Variants in EXOC4 observed in about 807,000 individuals in gnomAD.
The protein encoded by EXOC4 is exocyst complex component 4, also known as SEC8-like 1.
EXOC4 carries 71 observed loss-of-function variants against 107.2 expected under a neutral mutation model. The ratio of observed to expected loss-of-function variants is 0.66; its 90% CI spans 0.55 to 0.81. The LOEUF (loss-of-function observed/expected upper bound fraction) is 0.81, where lower values mean the gene tolerates loss of function less well. Ranked by LOEUF, EXOC4 falls within the 30% of genes least tolerant of loss-of-function variation. The pLI is 0.00. For missense variants in EXOC4, 1,108 were observed against 1,189.6 expected (o/e 0.93, Z 1.01); for synonymous variants, 456 against 441.2 (o/e 1.03, Z -0.42).
chr7:133,499,432 A>G (rs1799536839), intron 9 of EXOC4, among the ~76,000 whole-genome samples: 1 of 152,168 alleles, frequency 6.6e-6, no homozygotes, highest in Non-Finnish European at 1.5e-5. Flanking sequence ...AGCGGATAAT[A>G]TTTGGGGATA....
chr7:133,903,661 G>A (rs538361195), intron 12 of EXOC4, among the ~76,000 whole-genome samples: 1 of 152,132 alleles, frequency 6.6e-6, no homozygotes, highest in African/African-American at 2.4e-5. Flanking sequence ...GAGGGAGTTG[G>A]ACATATGCAT....
rs973709638 is a variant in EXOC4, at chr7:133,895,450, TC to T, written c.1735-144del. 16 of 767,370 alleles carry T rather than the reference TC, an allele frequency of 2.1e-5. No individual in the cohort carries two copies. In the African/African-American group the frequency reaches 2.5e-4, roughly 12 times the overall value. The allele number at this position is 767,370 out of a possible 1,614,324, so 47.5% of individuals were successfully genotyped here. On this transcript the variant is annotated intron_variant, in intron 11 of 17. Transcript: ENST00000253861. ...GTTCCTATTCGGCCATCTTGGCTCC[TC>T]CCCCTGTTTTGAGTTCATATTTCAA... is the stretch of plus-strand genomic sequence containing the variant.
At chr7:133,940,062 G>A (rs1800392824) in intron 14 of EXOC4, among the ~76,000 whole-genome samples, 1 of 152,112 alleles carries the variant, frequency 6.6e-6, no homozygotes, top group Non-Finnish European at 1.5e-5. Flanking sequence ...TTTGGAAGGG[G>A]TGCTCTCATT....
At chr7:133,289,168 T>C (rs767683837) in intron 3 of EXOC4, 52 bp downstream of exon 3, 2 of 1,460,266 alleles carry the variant, frequency 1.4e-6, no homozygotes, top group Non-Finnish European at 1.9e-6. Context: ...GTAAAAGCAC[T>C]CTCTTTTATT....
intron 10 of EXOC4, among the ~76,000 whole-genome samples, chr7:133,777,419 C>G (rs572363510): frequency 1.3e-5 from 2 of 152,220 alleles, no homozygotes; most frequent in East Asian, 3.9e-4. Context: ...AGGTCTGATT[C>G]AGACAATCTG....
intron 14 of EXOC4, among the ~76,000 whole-genome samples, chr7:133,958,864 A>C (rs867511470): frequency 5.3e-5 from 8 of 152,206 alleles, no homozygotes; most frequent in South Asian, 2.1e-4. Context: ...GTCATAGCTG[A>C]GTGTGAGGGC....
At chr7:134,008,979 G>T (rs962437756) in intron 17 of EXOC4, among the ~76,000 whole-genome samples, 5 of 152,052 alleles carry the variant, frequency 3.3e-5, no homozygotes, top group African/African-American at 7.2e-5. Flanking sequence ...TTCAAGATTT[G>T]AGAGTTAATT....
At chr7:133,711,237 C>A (rs1273429230) in intron 10 of EXOC4, among the ~76,000 whole-genome samples, 1 of 152,186 alleles carries the variant, frequency 6.6e-6, no homozygotes, top group Non-Finnish European at 1.5e-5. Flanking sequence ...TGCCTGGCTT[C>A]TTTCTTATTG....
intron 3 of EXOC4, among the ~76,000 whole-genome samples, chr7:133,293,964 C>T (rs1242063295): frequency 3.9e-5 from 6 of 152,190 alleles, no homozygotes; most frequent in Non-Finnish European, 1.5e-5. Flanking sequence ...TTTCTGGTTG[C>T]AGCATCACAT....
intron 2 of EXOC4, among the ~76,000 whole-genome samples, chr7:133,277,769 G>T (rs1296259545): frequency 6.6e-6 from 1 of 152,172 alleles, no homozygotes; most frequent in Non-Finnish European, 1.5e-5. Flanking sequence ...GAAAATAAAA[G>T]GGGGGAGAAT....
intron 9 of EXOC4, among the ~76,000 whole-genome samples, chr7:133,538,845 A>AAGAG (rs1800323435): frequency 1.7e-5 from 1 of 59,942 alleles, no homozygotes; most frequent in Non-Finnish European, 4.2e-5. Flanking sequence ...AAGAAAAAGA[A>AAGAG]AGAAAGAAAG....
At chr7:133,254,388 C>T (rs986678060) in intron 1 of EXOC4, among the ~76,000 whole-genome samples, 7 of 152,306 alleles carry the variant, frequency 4.6e-5, no homozygotes, top group African/African-American at 1.7e-4. Context: ...TCTATAGGCC[C>T]ACATTCTCGC....
intron 2 of EXOC4, among the ~76,000 whole-genome samples, chr7:133,280,494 T>C (rs1794107412): frequency 6.6e-6 from 1 of 152,178 alleles, no homozygotes; most frequent in African/African-American, 2.4e-5. Flanking sequence ...TACAAAGTAG[T>C]CTAATGCTTA....
chr7:133,938,734 G>A (rs1468662764), intron 14 of EXOC4, among the ~76,000 whole-genome samples: 1 of 152,112 alleles, frequency 6.6e-6, no homozygotes, highest in Non-Finnish European at 1.5e-5. Flanking sequence ...ATTACTTCAG[G>A]AGTATGTATA....
intron 9 of EXOC4, among the ~76,000 whole-genome samples, chr7:133,555,807 G>T (rs1010706661): frequency 6.6e-6 from 1 of 152,130 alleles, no homozygotes; most frequent in African/African-American, 2.4e-5. Context: ...GTATATGTAA[G>T]GTAGTTCTGC....
chr7:133,694,091 C>A (rs1171593157), intron 10 of EXOC4, among the ~76,000 whole-genome samples: 4 of 151,946 alleles, frequency 2.6e-5, no homozygotes, highest in African/African-American at 9.7e-5. Context: ...TGGTGAAACC[C>A]TGTCTCTACT....
intron 10 of EXOC4, among the ~76,000 whole-genome samples, chr7:133,698,314 T>C (rs944985338): frequency 2.0e-5 from 3 of 152,074 alleles, no homozygotes; most frequent in African/African-American, 7.2e-5. Context: ...TTAAAGAACA[T>C]GCAGGCCAGT....
At chr7:133,555,537 C>G (rs1041592202) in intron 9 of EXOC4, among the ~76,000 whole-genome samples, 1 of 152,098 alleles carries the variant, frequency 6.6e-6, no homozygotes, top group Non-Finnish European at 1.5e-5. Context: ...CTTTGCTACT[C>G]CAGCTATATG....
chr7:133,275,215 C>T (rs767784281), intron 2 of EXOC4, 44 bp downstream of exon 2: 3 of 1,455,846 alleles, frequency 2.1e-6, no homozygotes, highest in Non-Finnish European at 2.8e-6. Context: ...CTTCCCATCA[C>T]TATAGGTGTT....
Sources: gnomAD v4.1 joint callset for allele counts (sites outside exome capture counted in the v4.1 genomes callset) on GRCh38, gnomAD v4.1.1 for gene constraint, MANE v1.5 for transcripts, NCBI Gene and HGNC (gene_info 2026-07-23, HGNC 2026-07-21) for gene names.